GALNT15: variants seen among roughly 807,000 people sequenced by gnomAD.
The protein encoded by GALNT15 is UDP-GalNAc transferase T15.
GALNT15 carries 67 observed loss-of-function variants against 66.8 expected under a neutral mutation model. The observed-to-expected ratio is 1.00, with a 90% CI of 0.82 to 1.23. The LOEUF is 1.23. GALNT15 is among the 50% of genes most tolerant of loss of function. The probability of loss-of-function intolerance (pLI) is 0.00; values close to 1 mark genes in which losing one functional copy is unlikely to be tolerated. For synonymous variants in GALNT15, 313 were observed against 311.5 expected, an observed-to-expected ratio of 1.00 and a Z score of -0.05; for missense variants, 827 against 804.3, an observed-to-expected ratio of 1.03 and a Z score of -0.34.
At chr3:16,179,519 A>T (rs1161337314) in intron 1 of GALNT15, among the ~76,000 whole-genome samples, 1 of 152,152 alleles carries the variant, frequency 6.6e-6, no homozygotes, top group African/African-American at 2.4e-5. Context: ...AGCCACCAGG[A>T]TGTCTTGTCA....
rs1182226079 is a variant in GALNT15, at chr3:16,225,506, C to T, written c.1774-1848C>T. 2.0e-5 allele frequency among the ~76,000 whole-genome samples: 3 copies of T among 152,094 alleles called. No individual in the cohort carries two copies. Among genetic ancestry groups the T allele is most frequent in the Non-Finnish European group, 4.4e-5 (3 of 68,020 alleles). On this transcript the variant is annotated intron_variant, in intron 9 of 9. Transcript: ENST00000339732. The surrounding 1 kb of genome is among the most constrained non-coding windows in gnomAD (Gnocchi z 4.4). ...GGTCAGGAGGCTGAGACCAGCCTGG[C>T]CAATATGGTGAAACCCCGTTTCTAC...
downstream of GALNT15, among the ~76,000 whole-genome samples, chr3:16,232,508 ATATTTATT>A (rs1351698318): frequency 8.5e-3 from 670 of 78,476 alleles, 71 homozygotes; most frequent in Non-Finnish European, 0.012. Context: ...ATATATATAT[ATATTTATT>A]TAAAAGAGAC....
chr3:16,220,301 A>G, intron 8 of GALNT15: 1 of 415,470 alleles, frequency 2.4e-6, no homozygotes, highest in Non-Finnish European at 4.5e-6. Flanking sequence ...GAGAAAACTG[A>G]GGCTTAGGGT....
At chr3:16,213,368 TG>T (rs766562338) in intron 6 of GALNT15, among the ~76,000 whole-genome samples, 3 of 131,714 alleles carry the variant, frequency 2.3e-5, no homozygotes, top group Admixed American at 9.5e-5. Context: ...GGCAGGAGAA[TG>T]GCATGAAGCT....
chr3:16,222,765 A>T lies in GALNT15; in HGVS notation c.1773+7A>T, dbSNP rs533724657. The stretch of plus-strand genomic sequence containing the variant: ...GCACTGGGACTTCCAGGAGGTGAGT[A>T]ATCTGTTCAGGAAGAGCCTGGTAGT... On this transcript the variant is annotated splice_region_variant and intron_variant, in intron 9 of 9. Transcript: ENST00000339732. The T allele has an allele frequency of 9.3e-6, 15 of 1,613,806 alleles. No individual in the cohort carries two copies. Among genetic ancestry groups the T allele is most frequent in the African/African-American group, 5.3e-5 (4 of 75,036 alleles).
Position 16,195,128 on chromosome 3 carries a change from C to T in GALNT15, c.540-632C>T, listed in dbSNP as rs1309525811. 4.6e-5 allele frequency among the ~76,000 whole-genome samples: 7 copies of T among 152,194 alleles called. No individual in the cohort carries two copies. Among genetic ancestry groups the T allele is most frequent in the African/African-American group, 1.7e-4 (7 of 41,438 alleles). Reference sequence around the variant, plus strand: ...AGATTACTGGACACTTAACTACACGCATCATCCTATCCAAGCCTCACCACA... The same window carrying T: ...AGATTACTGGACACTTAACTACACGTATCATCCTATCCAAGCCTCACCACA... On this transcript the variant is annotated intron_variant, in intron 1 of 9. Transcript: ENST00000339732. The surrounding 1 kb of genome is among the most constrained non-coding windows in gnomAD (Gnocchi z 4.6).
downstream of GALNT15, among the ~76,000 whole-genome samples, chr3:16,231,468 C>T (rs529125463): frequency 3.3e-5 from 5 of 151,994 alleles, no homozygotes; most frequent in African/African-American, 7.3e-5. This position sits in a 1 kb window ranked among gnomAD's most constrained non-coding sequence, Gnocchi z 4.1. Flanking sequence ...GTTCTTTCCA[C>T]GGGTATGGGA....
Position 16,187,761 on chromosome 3 carries a change from GCAT to G in GALNT15, c.540-7998_540-7996del, listed in dbSNP as rs1342578734. ...CACATGAAAATTCCTATTTCAAAGG[GCAT>G]TTGGGAGGAATAAATGTAATAATTC... On this transcript the variant is annotated intron_variant, in intron 1 of 9. Transcript: ENST00000339732. This position sits in a 1 kb window ranked among gnomAD's most constrained non-coding sequence, Gnocchi z 5.1. 1.3e-5 allele frequency among the ~76,000 whole-genome samples: 2 copies of G among 152,312 alleles called. No individual in the cohort carries two copies. The highest frequency in any genetic ancestry group is 4.8e-5 in the African/African-American group (2 of 41,568).
In GALNT15 at chr3:16,225,629, A is replaced by C. The variant is rs2064000827; in HGVS notation, c.1774-1725A>C. Among the ~76,000 whole-genome samples, 3 of 152,302 alleles carry C rather than the reference A, an allele frequency of 2.0e-5. No homozygotes were observed. In the South Asian group the frequency reaches 6.2e-4, roughly 32 times the overall value. ...AGAATCGCTTGAACCCAGGAGGCAG[A>C]GGTTGCACTGAGCTGAGATCGTGCC... On this transcript the variant is annotated intron_variant, in intron 9 of 9. Transcript: ENST00000339732. The surrounding 1 kb of genome is among the most constrained non-coding windows in gnomAD (Gnocchi z 4.4).
intron 3 of GALNT15, among the ~76,000 whole-genome samples, chr3:16,201,210 C>T (rs1264719081): frequency 5.3e-5 from 8 of 151,942 alleles, no homozygotes; most frequent in African/African-American, 1.7e-4. Flanking sequence ...GTGATGGCGT[C>T]TCGCTCTGTC....
intron 6 of GALNT15, among the ~76,000 whole-genome samples, chr3:16,216,957 T>A (rs9833912): frequency 0.011 from 1,695 of 152,292 alleles, 37 homozygotes; most frequent in African/African-American, 0.039. Flanking sequence ...AACTAATTAT[T>A]ATTTTAGAGA....
At position 16,195,659 on chromosome 3, in the gene GALNT15, T is replaced by TG. The variant is rs369316276; in HGVS notation, c.540-96dup. 1.1e-4 allele frequency: 115 copies of TG among 1,022,086 alleles called. No homozygotes were observed. The African/African-American group carries it at 1.6e-3, about 15-fold the overall frequency. 63.3% of individuals were successfully genotyped at this position (1,022,086 alleles called of 1,614,324 possible). A position where few individuals can be genotyped will look rare whatever the true frequency, so the allele number is the denominator to read the frequency against. On this transcript the variant is annotated intron_variant, in intron 1 of 9. Coordinates refer to ENST00000339732, the MANE Select transcript of GALNT15 (RefSeq NM_054110.5). The surrounding 1 kb of genome is among the most constrained non-coding windows in gnomAD (Gnocchi z 4.6). ...GAGATCCCATAGGACAGCCATATAA[T>TG]GGGGGCAGCTCCAGCCAGAGCAAAG... is the stretch of plus-strand genomic sequence containing the variant.
intron 6 of GALNT15, among the ~76,000 whole-genome samples, chr3:16,216,870 G>A (rs2063884844): frequency 6.6e-6 from 1 of 152,226 alleles, no homozygotes; most frequent in South Asian, 2.1e-4. Flanking sequence ...CAACTCCTGA[G>A]ATCATATCGG....
chr3:16,227,658 C>T lies in GALNT15; in HGVS notation c.*158C>T, dbSNP rs1426884871. 1.1e-5 allele frequency: 16 copies of T among 1,447,620 alleles called. No homozygotes were observed. Among genetic ancestry groups the T allele is most frequent in the Admixed American group, 5.8e-5 (2 of 34,384 alleles). 89.7% of individuals were successfully genotyped at this position (1,447,620 alleles called of 1,614,324 possible). On this transcript the variant is annotated 3_prime_UTR_variant, in exon 10 of 10. Coordinates refer to ENST00000339732, the MANE Select transcript of GALNT15 (RefSeq NM_054110.5). The surrounding 1 kb of genome is among the most constrained non-coding windows in gnomAD (Gnocchi z 4.5). ...TATGAAAGAATATAGGAAGTTTCTC[C>T]TTTTCACACCTTATTTCATTGACTG...
chr3:16,223,882 C>T (rs2063976597), intron 9 of GALNT15, among the ~76,000 whole-genome samples: 1 of 151,954 alleles, frequency 6.6e-6, no homozygotes, highest in Non-Finnish European at 1.5e-5. Context: ...TTAGTAGAGA[C>T]AGGGTTTTGC....
Position 16,208,572 on chromosome 3 carries a change from C to A in GALNT15, c.981C>A (p.Asp327Glu), listed in dbSNP as rs370149856. 3.1e-6 allele frequency: 5 copies of A among 1,613,966 alleles called. No homozygotes were observed. In the African/African-American group the frequency reaches 4.0e-5, roughly 13 times the overall value. ...CTTTCCAGTATTACCCCTCAAAGGA[C>A]CTGCAGCGTGGGGTGTTGGACTGGA... The part of the protein sequence containing the change: ...WKTFQYYPSK[D>E]LQRGVLDWKL... The change falls in exon 4 of 10, where the codon GAC (aspartate) becomes GAA (glutamate). Residue 327 changes from aspartate (D) to glutamate (E), a missense_variant. Coordinates refer to ENST00000339732, the MANE Select transcript of GALNT15 (RefSeq NM_054110.5).
Position 16,200,846 on chromosome 3 carries a change from A to G in GALNT15, c.911+23A>G. On this transcript the variant is annotated intron_variant, in intron 3 of 9. Coordinates refer to ENST00000339732, the MANE Select transcript of GALNT15 (RefSeq NM_054110.5). This position sits in a 1 kb window ranked among gnomAD's most constrained non-coding sequence, Gnocchi z 4.4. Reference sequence around the variant, plus strand: ...CAGGTAACTTATTCCCTGGGCTTGCAAAGCAAGACATGGAACTGGGAGAAA... The same window carrying G: ...CAGGTAACTTATTCCCTGGGCTTGCGAAGCAAGACATGGAACTGGGAGAAA... 9.6e-6 allele frequency: 15 copies of G among 1,569,354 alleles called. No individual in the cohort carries two copies. Among genetic ancestry groups the G allele is most frequent in the Non-Finnish European group, 1.3e-5 (15 of 1,154,866 alleles).
intron 9 of GALNT15, among the ~76,000 whole-genome samples, chr3:16,223,791 C>T (rs953221483): frequency 2.0e-5 from 3 of 150,302 alleles, no homozygotes; most frequent in African/African-American, 7.4e-5. Flanking sequence ...CTCCCAGGTT[C>T]AAGCGATTCT....
chr3:16,207,249 T>C (rs1042158137), intron 3 of GALNT15, among the ~76,000 whole-genome samples: 2 of 152,138 alleles, frequency 1.3e-5, no homozygotes, highest in South Asian at 2.1e-4. Context: ...ATGTGGCTAG[T>C]ATCTCCCCTC....
Sources: allele counts gnomAD v4.1 joint callset (sites outside exome capture counted in the v4.1 genomes callset), GRCh38; gene constraint gnomAD v4.1.1; non-coding constraint Gnocchi (gnomAD v3.1); transcripts MANE v1.5; gene names NCBI Gene and HGNC (gene_info 2026-07-23, HGNC 2026-07-21).